The following STAU2 variants were observed in gnomAD, a reference collection of about 807,000 sequenced individuals.
The protein encoded by STAU2 is staufen double-stranded RNA binding protein 2.
Under a neutral mutation model 65.9 loss-of-function variants are expected in STAU2, and 20 were observed. The observed-to-expected ratio is 0.30, with a 90% CI of 0.21 to 0.44. The LOEUF (loss-of-function observed/expected upper bound fraction) is 0.44. Ranked by LOEUF, STAU2 falls within the 20% of genes least tolerant of loss-of-function variation. STAU2 has a pLI of 1.00. For missense variants in STAU2, 558 were observed against 683.9 expected, an observed-to-expected ratio of 0.82 and a Z score of 2.05; for synonymous variants, 232 against 233.9, an observed-to-expected ratio of 0.99 and a Z score of 0.07.
intron 6 of STAU2, among the ~76,000 whole-genome samples, chr8:73,639,322 A>C (rs1340064139): frequency 2.0e-5 from 3 of 152,120 alleles, no homozygotes; most frequent in Non-Finnish European, 4.4e-5. Flanking sequence ...GAAATTCCTT[A>C]ATCATGGAGA....
chr8:73,557,433 C>A (rs977830967), intron 12 of STAU2, among the ~76,000 whole-genome samples: 1 of 152,118 alleles, frequency 6.6e-6, no homozygotes, highest in African/African-American at 2.4e-5. Flanking sequence ...ATTTAAGTCG[C>A]TTTTCAATAG....
intron 1 of STAU2, among the ~76,000 whole-genome samples, chr8:73,746,542 AC>A (rs1807299681): frequency 1.1e-5 from 1 of 89,606 alleles, no homozygotes; most frequent in African/African-American, 4.3e-5. Flanking sequence ...CCACACACGC[AC>A]CCCCCACCCC....
intron 13 of STAU2, among the ~76,000 whole-genome samples, chr8:73,490,928 G>GT (rs1026801708): frequency 6.6e-6 from 1 of 151,892 alleles, no homozygotes; most frequent in African/African-American, 2.4e-5. Flanking sequence ...TTTTAAAGTC[G>GT]TAAGTTCTTA....
At chr8:73,527,925 G>GA (rs1025301133) in intron 13 of STAU2, 1 of 234,526 alleles carries the variant, frequency 4.3e-6, no homozygotes, top group African/African-American at 3.1e-5. Context: ...AAACCTTATT[G>GA]AACCCCTCCA....
chr8:73,684,998 T>A (rs979158643), intron 5 of STAU2, among the ~76,000 whole-genome samples: 8 of 151,954 alleles, frequency 5.3e-5, no homozygotes, highest in Non-Finnish European at 1.2e-4. Context: ...AAAGTGGAGG[T>A]AATTTGAATC....
At chr8:73,728,732 C>T (rs1412474016) in intron 3 of STAU2, among the ~76,000 whole-genome samples, 5 of 152,064 alleles carry the variant, frequency 3.3e-5, no homozygotes, top group Non-Finnish European at 4.4e-5. Flanking sequence ...TTGTTCATTC[C>T]GAGTACACAG....
intron 13 of STAU2, chr8:73,511,446 G>C (rs535825258): frequency 1.3e-5 from 2 of 152,716 alleles, no homozygotes; most frequent in South Asian, 4.1e-4. Context: ...CTAAATTACT[G>C]TTAGTGCTTT....
chr8:73,720,515 T>TTTTG (rs1821573769), intron 3 of STAU2, among the ~76,000 whole-genome samples: 1 of 59,124 alleles, frequency 1.7e-5, no homozygotes, highest in Non-Finnish European at 2.9e-5. Flanking sequence ...TTTTTTTTTT[T>TTTTG]TTTTTTTTGA....
At chr8:73,432,104 C>T (rs1212739854) in intron 13 of STAU2, among the ~76,000 whole-genome samples, 1 of 152,176 alleles carries the variant, frequency 6.6e-6, no homozygotes, top group Non-Finnish European at 1.5e-5. Flanking sequence ...ACAAGTAGTT[C>T]CCATTAAAGT....
At chr8:73,570,613 C>T (rs1252561698) in intron 12 of STAU2, among the ~76,000 whole-genome samples, 4 of 152,174 alleles carry the variant, frequency 2.6e-5, no homozygotes, top group African/African-American at 9.7e-5. Flanking sequence ...CACAAAGATG[C>T]TCCTCAAGAA....
intron 13 of STAU2, chr8:73,551,755 T>C (rs1169965598): frequency 2.6e-6 from 3 of 1,133,684 alleles, no homozygotes; most frequent in African/African-American, 3.2e-5. Flanking sequence ...GTGAAGAATA[T>C]GAAAAATGCT....
At chr8:73,670,553 G>A (rs918501433) in intron 6 of STAU2, 1 of 152,140 alleles carries the variant, frequency 6.6e-6, no homozygotes, top group African/African-American at 2.4e-5. Context: ...GCATACCTGA[G>A]AGGAAAAGGG....
intron 6 of STAU2, chr8:73,670,407 C>G (rs1189816503): frequency 1.3e-5 from 2 of 151,976 alleles, no homozygotes; most frequent in Non-Finnish European, 2.9e-5. Context: ...ATGCCACCAA[C>G]TGCAAGTTTC....
intron 11 of STAU2, among the ~76,000 whole-genome samples, chr8:73,586,441 C>A (rs372227948): frequency 6.6e-6 from 1 of 152,002 alleles, no homozygotes; most frequent in Non-Finnish European, 1.5e-5. Flanking sequence ...TTGGGAGAGG[C>A]TAAAACAGAG....
rs1303739789 is a variant in STAU2, at chr8:73,629,917, C to T, written c.411-12466G>A. ...CACAGGCGTGCACTACCACACTTGGCTAATTTTTTTTTATTTTTATGTTTT... is the reference window on the plus strand; with the variant it reads ...CACAGGCGTGCACTACCACACTTGGTTAATTTTTTTTTATTTTTATGTTTT... On this transcript the variant is annotated intron_variant, in intron 6 of 14. Transcript: ENST00000524300. Among the ~76,000 whole-genome samples the T allele has an allele frequency of 3.9e-5, 6 of 152,062 alleles. No homozygotes were observed. The South Asian group carries it at 8.3e-4, about 21-fold the overall frequency.
intron 3 of STAU2, among the ~76,000 whole-genome samples, chr8:73,733,160 A>C (rs1008122599): frequency 8.5e-5 from 13 of 152,110 alleles, no homozygotes; most frequent in African/African-American, 3.1e-4. Context: ...TTAGGCCTTA[A>C]AGCTTCCTCT....
intron 13 of STAU2, among the ~76,000 whole-genome samples, chr8:73,426,108 A>G (rs1816804293): frequency 2.0e-5 from 3 of 151,292 alleles, no homozygotes; most frequent in Non-Finnish European, 4.4e-5. Context: ...ATCACTTAGT[A>G]TCCTCTCCCC....
chr8:73,696,168 C>A lies in STAU2; in HGVS notation c.115-7355G>T, dbSNP rs1819683722. 3.3e-5 allele frequency among the ~76,000 whole-genome samples: 5 copies of A among 152,342 alleles called. No homozygotes were observed. In the South Asian group the frequency reaches 1.0e-3, roughly 32 times the overall value. On this transcript the variant is annotated intron_variant, in intron 4 of 14. Coordinates refer to ENST00000524300, the MANE Select transcript of STAU2 (RefSeq NM_001164380.2). ...TTCTTCCGGATCTTATCCAAGGCTGCCAAGGCTGTACCTCTAACAAGTCTC... is the reference window on the plus strand; with the variant it reads ...TTCTTCCGGATCTTATCCAAGGCTGACAAGGCTGTACCTCTAACAAGTCTC...
chr8:73,734,534 G>A (rs1432829117), intron 3 of STAU2, among the ~76,000 whole-genome samples: 4 of 152,096 alleles, frequency 2.6e-5, no homozygotes, highest in Non-Finnish European at 4.4e-5. Context: ...GGTGGCTCAC[G>A]CCTGTAATCC....
Sources: gnomAD v4.1 joint callset for allele counts (sites outside exome capture counted in the v4.1 genomes callset) on GRCh38, gnomAD v4.1.1 for gene constraint, MANE v1.5 for transcripts, NCBI Gene and HGNC (gene_info 2026-07-23, HGNC 2026-07-21) for gene names.